ZNF577: variants seen among roughly 807,000 people sequenced by gnomAD.
ZNF577 encodes the protein zinc finger protein 577.
In ZNF577, 14 loss-of-function variants were observed where a neutral mutation model predicts 13.9. That is an observed-to-expected ratio of 1.00 (90% CI 0.66 to 1.57). The LOEUF is 1.57. ZNF577 is among the 40% of genes most tolerant of loss of function. The probability of loss-of-function intolerance (pLI) is 0.00; values close to 1 mark genes in which losing one functional copy is unlikely to be tolerated. For missense variants in ZNF577, 555 were observed against 579.2 expected (o/e 0.96, Z 0.43); for synonymous variants, 203 against 202.9 (o/e 1.00, Z 0.00).
intron 5 of ZNF577, among the ~76,000 whole-genome samples, chr19:51,846,581 G>A (rs139243570): frequency 6.6e-6 from 1 of 152,044 alleles, no homozygotes; most frequent in African/African-American, 2.4e-5. Context: ...TGGTGCAAAC[G>A]CCTGTAATCA....
intron 9 of ZNF577, among the ~76,000 whole-genome samples, chr19:51,814,436 G>C (rs1466160432): frequency 2.6e-5 from 4 of 152,120 alleles, no homozygotes; most frequent in Admixed American, 1.3e-4. Context: ...AATGATATTG[G>C]ATAACGGGTA....
intron 10 of ZNF577, among the ~76,000 whole-genome samples, chr19:51,810,011 C>T (rs1411772845): frequency 1.3e-5 from 2 of 152,186 alleles, no homozygotes; most frequent in Non-Finnish European, 2.9e-5. Context: ...TACGCAAGGA[C>T]AAAGTCCTGG....
intron 10 of ZNF577, among the ~76,000 whole-genome samples, chr19:51,808,300 T>C (rs1484410598): frequency 6.6e-6 from 1 of 152,244 alleles, no homozygotes; most frequent in East Asian, 1.9e-4. Flanking sequence ...CATACACTTC[T>C]CTCTGTAACA....
chr19:51,877,901 T>C (rs1234594645), intron 4 of ZNF577: 1 of 157,192 alleles, frequency 6.4e-6, no homozygotes, highest in Non-Finnish European at 1.4e-5. Flanking sequence ...AGGTGGTATA[T>C]ATATATACAA....
At chr19:51,842,733 A>G (rs1466273487) in intron 8 of ZNF577, 1 of 152,206 alleles carries the variant, frequency 6.6e-6, no homozygotes, top group Non-Finnish European at 1.5e-5. Flanking sequence ...ACCATGAGAA[A>G]ATGTATTAAA....
chr19:51,849,394 G>T (rs1599852246), intron 5 of ZNF577, among the ~76,000 whole-genome samples: 1 of 152,188 alleles, frequency 6.6e-6, no homozygotes, highest in Non-Finnish European at 1.5e-5. Flanking sequence ...AATGGTGTTG[G>T]GAAGTGAGGC....
chr19:51,851,000 A>G (rs2084376344), intron 5 of ZNF577, among the ~76,000 whole-genome samples: 1 of 152,234 alleles, frequency 6.6e-6, no homozygotes, highest in Non-Finnish European at 1.5e-5. Context: ...TAATTTTGTG[A>G]TAAAAATAAG....
At position 51,877,362 on chromosome 19, in the gene ZNF577, T is replaced by A; in HGVS notation, c.203A>T (p.Lys68Met). 1 of 1,614,152 alleles carries A rather than the reference T, an allele frequency of 6.2e-7. No homozygotes were observed. Among genetic ancestry groups the A allele is most frequent in the Non-Finnish European group, 8.5e-7 (1 of 1,180,008 alleles). Residue 68 changes from lysine (K) to methionine (M), a missense_variant, in exon 5 of 6, where the codon AAG becomes ATG. Physicochemically the swap from Lys to Met is moderately conservative, Grantham distance 95 (BLOSUM62 -1). Coordinates refer to ENST00000638348, the MANE Select transcript of ZNF577 (RefSeq NM_001370449.1). Reference protein sequence around the residue: ...NLVSIGYRGTKPDSLFKLEQG... With the variant: ...NLVSIGYRGTMPDSLFKLEQG... ...CTCCAACTTGAAGAGCGAATCTGGCTTGGTGCCTCGATACCCTGTAAATGG... is the reference window on the plus strand; with the variant it reads ...CTCCAACTTGAAGAGCGAATCTGGCATGGTGCCTCGATACCCTGTAAATGG...
At chr19:51,811,984 A>G (rs1249371827) in intron 9 of ZNF577, among the ~76,000 whole-genome samples, 3 of 152,220 alleles carry the variant, frequency 2.0e-5, no homozygotes, top group African/African-American at 7.2e-5. Flanking sequence ...TGTCTTGAGA[A>G]GGCAACTACA....
intron 9 of ZNF577, among the ~76,000 whole-genome samples, chr19:51,828,367 CAA>C (rs11307174): frequency 8.4e-5 from 10 of 118,476 alleles, no homozygotes; most frequent in African/African-American, 1.3e-4. Context: ...GATTCCATCT[CAA>C]AAAAAAAAAA....
intron 5 of ZNF577, chr19:51,860,698 T>C (rs1345194562): frequency 9.6e-6 from 2 of 207,600 alleles, no homozygotes; most frequent in Non-Finnish European, 1.9e-5. Context: ...AGTTTGCTGA[T>C]ATAATTAGTG....
intron 6 of ZNF577, among the ~76,000 whole-genome samples, chr19:51,844,050 CTTTTT>C (rs34391853): frequency 5.5e-5 from 7 of 127,122 alleles, no homozygotes; most frequent in Non-Finnish European, 1.2e-4. Flanking sequence ...AGCCACTACA[CTTTTT>C]TTTTTTTTTT....
chr19:51,813,718 T>C (rs2084114519), intron 9 of ZNF577, among the ~76,000 whole-genome samples: 1 of 152,130 alleles, frequency 6.6e-6, no homozygotes, highest in Non-Finnish European at 1.5e-5. Flanking sequence ...GTATTTTTAG[T>C]AGAGATGGGT....
intron 5 of ZNF577, among the ~76,000 whole-genome samples, chr19:51,856,923 G>T (rs978975056): frequency 7.4e-6 from 1 of 134,784 alleles, no homozygotes; most frequent in African/African-American, 3.0e-5. Context: ...TGCCTCAGGG[G>T]AGAATCTGTA....
At chr19:51,860,366 C>G (rs1351252755) in intron 5 of ZNF577, 1 of 152,184 alleles carries the variant, frequency 6.6e-6, no homozygotes, top group Non-Finnish European at 1.5e-5. Flanking sequence ...TGACCAGAAC[C>G]ATTGCTTTTA....
chr19:51,851,303 G>C (rs2084377682), intron 5 of ZNF577, among the ~76,000 whole-genome samples: 1 of 152,124 alleles, frequency 6.6e-6, no homozygotes. Context: ...ACTTGTAAGA[G>C]TCTGTGTACC....
At chr19:51,878,354 A>G (rs773098100) in intron 4 of ZNF577, 35 bp downstream of exon 4, 1 of 1,608,408 alleles carries the variant, frequency 6.2e-7, no homozygotes. Context: ...ACCAAATAAG[A>G]AAGAAAAGGT....
At chr19:51,880,464 T>C in intron 2 of ZNF577, 63 bp from the exon 3 acceptor site, 3 of 1,429,248 alleles carry the variant, frequency 2.1e-6, no homozygotes, top group African/African-American at 1.4e-5. Context: ...AACAGTCACT[T>C]AGCTATGTTC....
Position 51,873,573 on chromosome 19 carries a change from G to T in ZNF577, c.417C>A (p.Ser139Arg). The change falls in exon 6 of 6, where the codon AGC becomes AGA. Residue 139 changes from serine (S) to arginine (R), a missense_variant. Coordinates refer to ENST00000638348, the MANE Select transcript of ZNF577 (RefSeq NM_001370449.1). ...GVKYHRCVKP[S>R]SPKSQLNDLQ... The stretch of plus-strand genomic sequence containing the variant: ...GGTCATTGAGCTGTGATTTAGGGCT[G>T]CTGGGTTTAACACATCTATGGTATT... 6.2e-7 allele frequency: 1 copy of T among 1,614,218 alleles called. No individual in the cohort carries two copies. The highest frequency in any genetic ancestry group is 8.5e-7 in the Non-Finnish European group (1 of 1,180,044).
Sources: allele counts gnomAD v4.1 joint callset (sites outside exome capture counted in the v4.1 genomes callset), GRCh38; gene constraint gnomAD v4.1.1; transcripts MANE v1.5; gene names NCBI Gene and HGNC (gene_info 2026-07-23, HGNC 2026-07-21).